STXBP5L: variants seen among roughly 807,000 people sequenced by gnomAD.
The protein encoded by STXBP5L is syntaxin binding protein 5L, also known as syntaxin-binding protein 5-like.
In STXBP5L, 65 loss-of-function variants were observed where a neutral mutation model predicts 144.5. That is an observed-to-expected ratio of 0.45 (90% CI 0.37 to 0.55). STXBP5L has a LOEUF of 0.55. Ranked by LOEUF, STXBP5L falls within the 20% of genes least tolerant of loss-of-function variation. STXBP5L has a pLI of 0.00. For missense variants in STXBP5L, 1,298 were observed against 1,405.5 expected, an observed-to-expected ratio of 0.92 and a Z score of 1.22; for synonymous variants, 505 against 469.6, an observed-to-expected ratio of 1.08 and a Z score of -0.97.
intron 9 of STXBP5L, among the ~76,000 whole-genome samples, chr3:121,192,568 A>T (rs559617359): frequency 3.9e-4 from 60 of 152,212 alleles, no homozygotes; most frequent in Non-Finnish European, 8.4e-4. Context: ...TTGACTTCAG[A>T]CTATACTACA....
intron 2 of STXBP5L, among the ~76,000 whole-genome samples, chr3:120,922,034 T>A (rs1229714458): frequency 6.6e-6 from 1 of 152,048 alleles, no homozygotes; most frequent in Non-Finnish European, 1.5e-5. Context: ...TTGCATTGAA[T>A]CTGTAAATTA....
At chr3:121,193,966 TATAATAATA>T (rs144408060) in intron 9 of STXBP5L, among the ~76,000 whole-genome samples, 9 of 150,286 alleles carry the variant, frequency 6.0e-5, no homozygotes, top group Non-Finnish European at 8.9e-5. Flanking sequence ...GAAGTTAACA[TATAATAATA>T]ATAATAATAA....
At chr3:121,325,869 A>G (rs1190414853) in intron 20 of STXBP5L, among the ~76,000 whole-genome samples, 4 of 151,916 alleles carry the variant, frequency 2.6e-5, no homozygotes, top group African/African-American at 9.7e-5. Context: ...ATGGCTAAGA[A>G]AAGATTCTAT....
At chr3:120,962,125 G>GT (rs1938913047) in intron 3 of STXBP5L, among the ~76,000 whole-genome samples, 1 of 149,356 alleles carries the variant, frequency 6.7e-6, no homozygotes, top group South Asian at 2.1e-4. Flanking sequence ...GGGGTTGTTT[G>GT]TTTTTTTCTG....
chr3:121,313,597 G>A (rs1381855414), intron 19 of STXBP5L, among the ~76,000 whole-genome samples: 1 of 82,526 alleles, frequency 1.2e-5, no homozygotes. Context: ...CGGACGGGGC[G>A]GCTGGCCGAC....
chr3:121,205,026 A>C (rs903085261), intron 9 of STXBP5L, among the ~76,000 whole-genome samples: 1 of 152,222 alleles, frequency 6.6e-6, no homozygotes, highest in Non-Finnish European at 1.5e-5. Flanking sequence ...GGAAGTTTTT[A>C]AAAATGTATT....
intron 11 of STXBP5L, among the ~76,000 whole-genome samples, chr3:121,229,558 AT>A (rs1400056548): frequency 6.6e-6 from 1 of 151,772 alleles, no homozygotes; most frequent in East Asian, 1.9e-4. Context: ...ATTATTTTTC[AT>A]TTTTTTACTT....
chr3:121,359,454 A>C (rs1360887733), intron 20 of STXBP5L, among the ~76,000 whole-genome samples: 1 of 151,868 alleles, frequency 6.6e-6, no homozygotes, highest in African/African-American at 2.4e-5. Flanking sequence ...GAGTTTTTTA[A>C]CTTGATGTGA....
At chr3:121,368,879 G>A (rs1229194738) in intron 20 of STXBP5L, among the ~76,000 whole-genome samples, 2 of 152,146 alleles carry the variant, frequency 1.3e-5, no homozygotes, top group African/African-American at 2.4e-5. Context: ...TAATGGAGTG[G>A]CAGTGGAGCT....
intron 3 of STXBP5L, among the ~76,000 whole-genome samples, chr3:120,964,831 A>G (rs893358574): frequency 2.6e-5 from 4 of 152,044 alleles, no homozygotes; most frequent in Admixed American, 2.6e-4. Context: ...ATCCTTGTTA[A>G]CCTTCTGTCT....
chr3:120,962,848 C>G (rs904043506), intron 3 of STXBP5L, among the ~76,000 whole-genome samples: 7 of 152,136 alleles, frequency 4.6e-5, no homozygotes, highest in African/African-American at 7.2e-5. Context: ...GGCATTGAAT[C>G]TATAAATTAC....
intron 3 of STXBP5L, among the ~76,000 whole-genome samples, chr3:120,977,741 T>A (rs1486367478): frequency 6.6e-6 from 1 of 152,208 alleles, no homozygotes; most frequent in Non-Finnish European, 1.5e-5. Flanking sequence ...GCAGGCCTGG[T>A]GGTGACAAAA....
chr3:121,328,543 G>T (rs962521001), intron 20 of STXBP5L, among the ~76,000 whole-genome samples: 1 of 152,138 alleles, frequency 6.6e-6, no homozygotes, highest in Admixed American at 6.5e-5. Context: ...GAGGTCAGGA[G>T]TTCGAGACCA....
chr3:121,378,317 C>A (rs2046242384), intron 20 of STXBP5L, among the ~76,000 whole-genome samples: 1 of 152,102 alleles, frequency 6.6e-6, no homozygotes, highest in African/African-American at 2.4e-5. Flanking sequence ...GCACATGTAT[C>A]CCAGAACTTA....
intron 3 of STXBP5L, among the ~76,000 whole-genome samples, chr3:120,994,898 G>T (rs1053822315): frequency 1.3e-5 from 2 of 151,944 alleles, no homozygotes; most frequent in African/African-American, 4.8e-5. Context: ...GAAGCCATTG[G>T]GTCCTGGGCT....
chr3:121,030,801 G>T (rs946123847), intron 3 of STXBP5L, among the ~76,000 whole-genome samples: 1 of 152,020 alleles, frequency 6.6e-6, no homozygotes, highest in African/African-American at 2.4e-5. Context: ...GCATGATAAA[G>T]CTTGAGAATC....
intron 3 of STXBP5L, among the ~76,000 whole-genome samples, chr3:121,031,848 T>A (rs1398819223): frequency 6.6e-6 from 1 of 152,032 alleles, no homozygotes. Flanking sequence ...CAAAGTAGAA[T>A]TGACTAACAT....
intron 7 of STXBP5L, among the ~76,000 whole-genome samples, chr3:121,135,144 C>T (rs1164695917): frequency 6.6e-6 from 1 of 152,160 alleles, no homozygotes; most frequent in African/African-American, 2.4e-5. Context: ...ATTTGCATTT[C>T]TCTGATGGCC....
intron 9 of STXBP5L, among the ~76,000 whole-genome samples, chr3:121,165,273 C>A (rs2108034860): frequency 6.6e-6 from 1 of 152,260 alleles, no homozygotes; most frequent in African/African-American, 2.4e-5. Context: ...TTTTGCTAAT[C>A]TCTGAATGCC....
Sources: allele counts gnomAD v4.1 joint callset (sites outside exome capture counted in the v4.1 genomes callset), GRCh38; gene constraint gnomAD v4.1.1; transcripts MANE v1.5; gene names NCBI Gene and HGNC (gene_info 2026-07-23, HGNC 2026-07-21).